Variants in A2M observed in about 807,000 individuals in gnomAD.
A2M encodes C3 and PZP-like alpha-2-macroglobulin domain-containing protein 5.
A2M carries 128 observed loss-of-function variants against 183.9 expected under a neutral mutation model. The observed-to-expected ratio is 0.70, with a 90% CI of 0.60 to 0.81. The LOEUF (loss-of-function observed/expected upper bound fraction) is 0.81. A2M is among the 30% of genes least tolerant of loss of function. A2M has a pLI of 0.00. For missense variants in A2M, 1,495 were observed against 1,787.6 expected (o/e 0.84, Z 2.95); for synonymous variants, 592 against 670.8 (o/e 0.88, Z 1.81).
intron 28 of A2M, among the ~76,000 whole-genome samples, chr12:9,075,024 C>T (rs962269376): frequency 3.9e-5 from 6 of 152,034 alleles, no homozygotes; most frequent in Non-Finnish European, 8.8e-5. Flanking sequence ...TTGCTATAGT[C>T]GGGTTGGTGG....
chr12:9,069,826 G>T lies in A2M; in HGVS notation c.4195-13C>A, dbSNP rs377293984. 15 of 1,612,376 alleles carry T rather than the reference G, an allele frequency of 9.3e-6. No individual in the cohort carries two copies. Among genetic ancestry groups the T allele is most frequent in the African/African-American group, 5.3e-5 (4 of 74,876 alleles). The stretch of plus-strand genomic sequence containing the variant: ...TAGATCTTTCAAGCTGAAGAAAATT[G>T]AAATACCACAAATGTTAATAAATAG... On this transcript the variant is annotated splice_polypyrimidine_tract_variant and intron_variant, in intron 32 of 35. Transcript: ENST00000318602.
intron 1 of A2M, 122 bp from the exon 2 acceptor site, chr12:9,113,665 G>A: frequency 9.8e-7 from 1 of 1,022,482 alleles, no homozygotes; most frequent in Admixed American, 2.5e-5. Context: ...ATGTACTGAT[G>A]AGCATGAAAT....
chr12:9,109,292 C>A (rs766144962), intron 7 of A2M, 29 bp downstream of exon 7: 2 of 1,548,804 alleles, frequency 1.3e-6, no homozygotes, highest in South Asian at 2.3e-5. Context: ...AATAATCCCC[C>A]ACAAAAGATT....
intron 23 of A2M, 131 bp from the exon 24 acceptor site, chr12:9,079,946 G>A (rs1037745411): frequency 1.9e-6 from 2 of 1,047,114 alleles, no homozygotes; most frequent in African/African-American, 1.6e-5. Flanking sequence ...AGGGATAGAA[G>A]TATGATTGAA....
At chr12:9,099,112 A>C (rs1489973541) in intron 14 of A2M, among the ~76,000 whole-genome samples, 1 of 152,146 alleles carries the variant, frequency 6.6e-6, no homozygotes, top group African/African-American at 2.4e-5. Context: ...ACTTGCTTAC[A>C]TATTTCCCAA....
chr12:9,101,659 G>C lies in A2M; in HGVS notation c.1282C>G (p.Arg428Gly). Residue 428 changes from arginine (R) to glycine (G), a missense_variant, in exon 12 of 36, where the codon CGT becomes GGT. Transcript: ENST00000318602. ...SLTVRVNYKDRSPCYGYQWVS... is the reference protein window; with the variant it reads ...SLTVRVNYKDGSPCYGYQWVS... ...CACTGGTAGCCGTAACAGGGACTAC[G>C]ATCCTTGTAATTGACCTAATGAATT... 6.2e-7 allele frequency: 1 copy of C among 1,612,152 alleles called. No individual in the cohort carries two copies. Among genetic ancestry groups the C allele is most frequent in the Non-Finnish European group, 8.5e-7 (1 of 1,178,454 alleles).
chr12:9,084,858 C>G (rs1327627517), intron 22 of A2M, among the ~76,000 whole-genome samples: 1 of 151,936 alleles, frequency 6.6e-6, no homozygotes, highest in Non-Finnish European at 1.5e-5. Flanking sequence ...TAAATGGGGA[C>G]TAAAAGAGAG....
intron 29 of A2M, among the ~76,000 whole-genome samples, chr12:9,073,093 T>G (rs1000725848): frequency 6.6e-6 from 1 of 152,222 alleles, no homozygotes; most frequent in Admixed American, 6.5e-5. Flanking sequence ...TTTATTTTAT[T>G]TATCAGAAAA....
At chr12:9,096,941 T>C (rs762691458) in intron 15 of A2M, among the ~76,000 whole-genome samples, 2 of 152,084 alleles carry the variant, frequency 1.3e-5, no homozygotes, top group African/African-American at 4.8e-5. Flanking sequence ...GTTGAATGAA[T>C]GACCTACACT....
In A2M at chr12:9,109,418, G is replaced by A. The variant is rs772790127; in HGVS notation, c.674-13C>T. The A allele has an allele frequency of 5.0e-6, 8 of 1,602,034 alleles. No homozygotes were observed. The highest frequency in any genetic ancestry group is 6.8e-6 in the Non-Finnish European group (8 of 1,170,114). ...AACTTGGGAAGAACTGTTGATTGGT[G>A]ATAAAGAAGGTTGGTGATTGGTTTT... On this transcript the variant is annotated splice_polypyrimidine_tract_variant and intron_variant, in intron 6 of 35. Coordinates refer to ENST00000318602, the MANE Select transcript of A2M (RefSeq NM_000014.6).
chr12:9,070,062 G>A (rs1330581441), intron 32 of A2M, among the ~76,000 whole-genome samples: 2 of 152,200 alleles, frequency 1.3e-5, no homozygotes, highest in African/African-American at 2.4e-5. Context: ...AAACTTGGTA[G>A]TTACTCATAT....
intron 15 of A2M, among the ~76,000 whole-genome samples, chr12:9,096,240 A>G (rs1488868532): frequency 6.6e-6 from 1 of 152,198 alleles, no homozygotes; most frequent in Non-Finnish European, 1.5e-5. Flanking sequence ...CTAAGTACTC[A>G]TCTAAGTACT....
At chr12:9,109,232 C>T in intron 7 of A2M, 89 bp downstream of exon 7, 8 of 1,035,028 alleles carry the variant, frequency 7.7e-6, no homozygotes, top group Non-Finnish European at 1.2e-5. Flanking sequence ...TGTGTTGCCA[C>T]TGCTCCCGGA....
chr12:9,115,362 T>G (rs1332732609), intron 1 of A2M: 1 of 162,360 alleles, frequency 6.2e-6, no homozygotes, highest in Non-Finnish European at 1.4e-5. Flanking sequence ...TATAGATTTT[T>G]ATACTCCAGG....
chr12:9,112,770 C>G, intron 2 of A2M: 1 of 511,486 alleles, frequency 2.0e-6, no homozygotes, highest in Non-Finnish European at 3.5e-6. Context: ...GAGATTCACA[C>G]CTTCATACAG....
In A2M at chr12:9,109,994, C is replaced by G; in HGVS notation, c.546G>C (p.Gln182His). The change falls in exon 6 of 36, where the codon CAG becomes CAC. Residue 182 changes from glutamine to histidine, a missense_variant. Gln to His is a conservative substitution (Grantham distance 24). Transcript: ENST00000318602. ...AAAATTGCTTGAGGCCACCCTCTAA[C>G]TGGAAACTCTGCCATTGTGCGATGC... ...GNRIAQWQSF[Q>H]LEGGLKQFSF... 6.2e-7 allele frequency: 1 copy of G among 1,613,654 alleles called. No individual in the cohort carries two copies. Among genetic ancestry groups the G allele is most frequent in the Non-Finnish European group, 8.5e-7 (1 of 1,179,744 alleles).
At chr12:9,102,918 G>A (rs1038793861) in intron 11 of A2M, among the ~76,000 whole-genome samples, 1 of 151,814 alleles carries the variant, frequency 6.6e-6, no homozygotes, top group Non-Finnish European at 1.5e-5. Context: ...TCTATAACAA[G>A]GTAAAACTCT....
At chr12:9,105,833 T>G (rs773888110) in intron 10 of A2M, among the ~76,000 whole-genome samples, 3 of 152,194 alleles carry the variant, frequency 2.0e-5, no homozygotes, top group Non-Finnish European at 4.4e-5. Flanking sequence ...CCCACCTGTT[T>G]CCATACAAAG....
chr12:9,079,181 G>T, intron 25 of A2M, 63 bp downstream of exon 25: 1 of 1,229,906 alleles, frequency 8.1e-7, no homozygotes, highest in Non-Finnish European at 1.2e-6. Context: ...GAATATAATT[G>T]AGGTAATACA....
Sources: gnomAD v4.1 joint callset for allele counts (sites outside exome capture counted in the v4.1 genomes callset) on GRCh38, gnomAD v4.1.1 for gene constraint, MANE v1.5 for transcripts, NCBI Gene and HGNC (gene_info 2026-07-23, HGNC 2026-07-21) for gene names.